ADAM7: variants seen among roughly 807,000 people sequenced by gnomAD.
ADAM7 encodes the protein disintegrin and metalloproteinase domain-containing protein 7.
A neutral mutation model predicts 102.9 loss-of-function variants in ADAM7; 97 were observed. The observed-to-expected ratio is 0.94, with a 90% CI of 0.80 to 1.12. The LOEUF (loss-of-function observed/expected upper bound fraction) is 1.12, where lower values mean the gene tolerates loss of function less well. Ranked by LOEUF, ADAM7 falls within the 50% of genes most tolerant of loss-of-function variation. The pLI is 0.00. For missense variants in ADAM7, 991 were observed against 908.7 expected, an observed-to-expected ratio of 1.09 and a Z score of -1.16; for synonymous variants, 334 against 304.4, an observed-to-expected ratio of 1.10 and a Z score of -1.01.
chr8:24,462,662 A>C (rs903570165), intron 3 of ADAM7, among the ~76,000 whole-genome samples: 1 of 152,162 alleles, frequency 6.6e-6, no homozygotes, highest in Admixed American at 6.5e-5. Context: ...TTATACATGG[A>C]ATGTCTGTCT....
chr8:24,451,694 T>A (rs1818797052), intron 3 of ADAM7, among the ~76,000 whole-genome samples: 1 of 151,380 alleles, frequency 6.6e-6, no homozygotes, highest in Non-Finnish European at 1.5e-5. Flanking sequence ...TCTGCTAGCT[T>A]TTGACTGTGT....
At chr8:24,462,519 T>C (rs1174168120) in intron 3 of ADAM7, among the ~76,000 whole-genome samples, 1 of 152,216 alleles carries the variant, frequency 6.6e-6, no homozygotes, top group African/African-American at 2.4e-5. Context: ...TCACCTCTCA[T>C]GCTGTGCCTT....
At chr8:24,507,809 C>T (rs755257173) in intron 21 of ADAM7, among the ~76,000 whole-genome samples, 1 of 152,064 alleles carries the variant, frequency 6.6e-6, no homozygotes, top group African/African-American at 2.4e-5. Flanking sequence ...TTAGGAATAA[C>T]GAAAGCAGCA....
At chr8:24,491,642 C>T (rs978723850) in intron 13 of ADAM7, among the ~76,000 whole-genome samples, 3 of 152,040 alleles carry the variant, frequency 2.0e-5, no homozygotes, top group Non-Finnish European at 4.4e-5. Flanking sequence ...AACACCTGCC[C>T]GTTTCTTCAT....
At chr8:24,464,036 C>G in intron 4 of ADAM7, 76 bp downstream of exon 4, 1 of 1,295,690 alleles carries the variant, frequency 7.7e-7, no homozygotes, top group Non-Finnish European at 1.1e-6. Context: ...CCTGTTCTAG[C>G]TGTACAAGCT....
chr8:24,455,471 TG>T (rs1163736995), intron 3 of ADAM7, among the ~76,000 whole-genome samples: 1 of 152,244 alleles, frequency 6.6e-6, no homozygotes, highest in East Asian at 1.9e-4. Flanking sequence ...GGCACAGTCA[TG>T]GCTCACTGTA....
At chr8:24,450,964 G>T (rs112746069) in intron 3 of ADAM7, among the ~76,000 whole-genome samples, 2,651 of 152,108 alleles carry the variant, frequency 0.017, 44 homozygotes, top group Non-Finnish European at 0.027. Context: ...ATTGATTTGC[G>T]TATATTGAAC....
chr8:24,456,297 A>T (rs1385697199), intron 3 of ADAM7, among the ~76,000 whole-genome samples: 1 of 152,168 alleles, frequency 6.6e-6, no homozygotes, highest in Non-Finnish European at 1.5e-5. Flanking sequence ...GTCATAAATG[A>T]CAGAATTTTC....
chr8:24,505,540 C>A (rs1409140208), intron 20 of ADAM7, among the ~76,000 whole-genome samples: 1 of 152,016 alleles, frequency 6.6e-6, no homozygotes, highest in Non-Finnish European at 1.5e-5. Context: ...ACACAGTTAT[C>A]CATCAAAGAC....
chr8:24,461,688 T>C (rs1239785011), intron 3 of ADAM7, among the ~76,000 whole-genome samples: 1 of 152,154 alleles, frequency 6.6e-6, no homozygotes, highest in Non-Finnish European at 1.5e-5. Flanking sequence ...GCTCTTTTTT[T>C]TCTGTCTCTT....
chr8:24,443,027 A>AT (rs1818427261), intron 2 of ADAM7, among the ~76,000 whole-genome samples: 1 of 152,232 alleles, frequency 6.6e-6, no homozygotes, highest in South Asian at 2.1e-4. Context: ...ACAATTAAAT[A>AT]AAAACTTGAA....
chr8:24,454,828 T>C (rs116661900), intron 3 of ADAM7, among the ~76,000 whole-genome samples: 3,134 of 152,210 alleles, frequency 0.021, 121 homozygotes, highest in African/African-American at 0.072. Flanking sequence ...GTTTTAATAA[T>C]AATAAATACT....
intron 2 of ADAM7, among the ~76,000 whole-genome samples, chr8:24,444,880 A>G (rs758375719): frequency 1.4e-4 from 22 of 152,136 alleles, no homozygotes; most frequent in Non-Finnish European, 2.9e-4. Flanking sequence ...CGTTGTGACA[A>G]ATAGACTATA....
At chr8:24,468,846 T>G in intron 7 of ADAM7, 26 bp downstream of exon 7, 2 of 1,585,892 alleles carry the variant, frequency 1.3e-6, no homozygotes, top group Non-Finnish European at 8.7e-7. Context: ...AACATTTCTC[T>G]CTTTATTCTT....
intron 13 of ADAM7, 49 bp downstream of exon 13, chr8:24,490,937 T>C (rs371642843): frequency 1.3e-6 from 2 of 1,587,084 alleles, no homozygotes; most frequent in African/African-American, 1.4e-5. Flanking sequence ...TTTAAGAATA[T>C]GTAGGATCCA....
chr8:24,446,317 A>G (rs1394171740), intron 2 of ADAM7, among the ~76,000 whole-genome samples: 1 of 152,196 alleles, frequency 6.6e-6, no homozygotes, highest in South Asian at 2.1e-4. Context: ...CAGGAAAACA[A>G]TTTATCACAA....
chr8:24,476,307 G>A (rs1819764843), intron 7 of ADAM7, 126 bp from the exon 8 acceptor site: 1 of 635,518 alleles, frequency 1.6e-6, no homozygotes. Context: ...CTGAATGAAA[G>A]GAGTTCTCTT....
chr8:24,452,746 C>T (rs1024772969), intron 3 of ADAM7, among the ~76,000 whole-genome samples: 11 of 151,634 alleles, frequency 7.3e-5, no homozygotes, highest in East Asian at 5.8e-4. Flanking sequence ...TTCCTAGCCT[C>T]GATGGTCTTT....
At chr8:24,443,795 AG>A (rs1360892831) in intron 2 of ADAM7, among the ~76,000 whole-genome samples, 1 of 152,016 alleles carries the variant, frequency 6.6e-6, no homozygotes, top group Non-Finnish European at 1.5e-5. Flanking sequence ...AAAATTAGCC[AG>A]GCATGGTGGT....
Sources: gnomAD v4.1 joint callset for allele counts (sites outside exome capture counted in the v4.1 genomes callset) on GRCh38, gnomAD v4.1.1 for gene constraint, MANE v1.5 for transcripts, NCBI Gene and HGNC (gene_info 2026-07-23, HGNC 2026-07-21) for gene names.